BEND7: variants seen among roughly 807,000 people sequenced by gnomAD.
BEND7 encodes the protein BEN domain-containing protein 7.
Under a neutral mutation model 50.9 loss-of-function variants are expected in BEND7, and 28 were observed. The observed-to-expected ratio is 0.55, with a 90% confidence interval of 0.41 to 0.75. BEND7 has a LOEUF of 0.75. Among genes scored for constraint, BEND7 ranks in the 30% least tolerant of loss-of-function variants. BEND7 has a pLI of 0.00. For synonymous variants in BEND7, 170 were observed against 183.9 expected (o/e 0.92, Z 0.61); for missense variants, 477 against 491.3 (o/e 0.97, Z 0.28).
At chr10:13,497,332 T>G (rs2077094410) in intron 3 of BEND7, among the ~76,000 whole-genome samples, 1 of 152,248 alleles carries the variant, frequency 6.6e-6, no homozygotes, top group African/African-American at 2.4e-5. Context: ...TTATATGAGT[T>G]CTATTGAAAA....
chr10:13,521,240 C>T (rs547072737), intron 2 of BEND7, among the ~76,000 whole-genome samples: 2 of 151,810 alleles, frequency 1.3e-5, no homozygotes, highest in Non-Finnish European at 2.9e-5. Context: ...GCCTGCCATG[C>T]GGTTAAGGGC....
At chr10:13,529,579 G>T (rs984064305), upstream of BEND7, among the ~76,000 whole-genome samples, 1 of 152,154 alleles carries the variant, frequency 6.6e-6, no homozygotes, top group East Asian at 1.9e-4. Flanking sequence ...GGAATGGGGG[G>T]CTTGGTGGCC....
rs985204884 is a variant in BEND7, at chr10:13,456,796, T to C, written c.1064-4138A>G. ...AAGCAAACATATTTTCCACTTTTGT[T>C]TCTAATGGAAGGAAATACATTAGCT... On this transcript the variant is annotated intron_variant, in intron 6 of 8. Transcript: ENST00000466271. Among the ~76,000 whole-genome samples the C allele has an allele frequency of 2.6e-5, 4 of 152,356 alleles. No homozygotes were observed. The South Asian group carries it at 8.3e-4, about 32-fold the overall frequency.
intron 8 of BEND7, 23 bp from the exon 9 acceptor site, chr10:13,441,773 T>C: frequency 2.5e-6 from 4 of 1,612,340 alleles, no homozygotes; most frequent in Non-Finnish European, 3.4e-6. Flanking sequence ...AAGGGACTGT[T>C]GTCAGGAACG....
intron 6 of BEND7, among the ~76,000 whole-genome samples, chr10:13,476,717 A>C (rs1429081831): frequency 6.6e-6 from 1 of 152,200 alleles, no homozygotes; most frequent in Non-Finnish European, 1.5e-5. Context: ...GCAGGTAAGG[A>C]AAACATACCT....
chr10:13,461,233 A>G (rs2131277507), intron 6 of BEND7, among the ~76,000 whole-genome samples: 1 of 152,330 alleles, frequency 6.6e-6, no homozygotes, highest in Non-Finnish European at 1.5e-5. Flanking sequence ...GTCCTGAGGC[A>G]GGTGAGGGAA....
downstream of BEND7, chr10:13,439,275 G>A: frequency 6.2e-7 from 1 of 1,614,222 alleles, no homozygotes; most frequent in African/African-American, 1.3e-5. Flanking sequence ...TGAGACCTGA[G>A]TTATGAGGAA....
intron 5 of BEND7, among the ~76,000 whole-genome samples, chr10:13,487,378 CTT>C (rs770356764): frequency 5.4e-5 from 4 of 73,696 alleles, no homozygotes; most frequent in Non-Finnish European, 1.0e-4. Context: ...AATTTCTTTT[CTT>C]TTCTTTTCTT....
chr10:13,467,055 C>T (rs915739289), intron 6 of BEND7, among the ~76,000 whole-genome samples: 1 of 152,140 alleles, frequency 6.6e-6, no homozygotes, highest in Non-Finnish European at 1.5e-5. Flanking sequence ...ACTGTCCCAC[C>T]GTGGACACCG....
intron 2 of BEND7, among the ~76,000 whole-genome samples, chr10:13,519,229 T>C (rs1239572841): frequency 6.6e-6 from 1 of 152,034 alleles, no homozygotes; most frequent in African/African-American, 2.4e-5. Flanking sequence ...TCCCAGCACT[T>C]TGGGAGGCTG....
intron 5 of BEND7, among the ~76,000 whole-genome samples, chr10:13,485,319 A>G (rs1335780386): frequency 6.6e-6 from 1 of 152,254 alleles, no homozygotes; most frequent in Non-Finnish European, 1.5e-5. Flanking sequence ...TGGTTAAAAG[A>G]AGTGCACAAA....
intron 5 of BEND7, among the ~76,000 whole-genome samples, chr10:13,484,019 T>G (rs767867513): frequency 1.3e-5 from 2 of 152,188 alleles, no homozygotes; most frequent in Non-Finnish European, 2.9e-5. Context: ...TGCTTTCCAT[T>G]CCACTTTCTA....
chr10:13,515,039 G>A (rs191328363), intron 2 of BEND7, among the ~76,000 whole-genome samples: 1 of 152,228 alleles, frequency 6.6e-6, no homozygotes, highest in African/African-American at 2.4e-5. Context: ...TAAATTCTTG[G>A]AATCACTGAG....
intron 6 of BEND7, among the ~76,000 whole-genome samples, chr10:13,468,846 A>G (rs575985062): frequency 2.6e-5 from 4 of 152,246 alleles, no homozygotes; most frequent in Admixed American, 1.3e-4. Flanking sequence ...CTCTGCTAAA[A>G]ATAATGTAGT....
At chr10:13,511,598 C>A (rs924083546) in intron 2 of BEND7, among the ~76,000 whole-genome samples, 3 of 152,060 alleles carry the variant, frequency 2.0e-5, no homozygotes, top group African/African-American at 7.2e-5. Flanking sequence ...TTTTGTAATC[C>A]CTGGAATACA....
intron 5 of BEND7, among the ~76,000 whole-genome samples, 175 bp downstream of exon 5, chr10:13,492,436 T>A (rs897212903): frequency 5.3e-5 from 8 of 152,266 alleles, no homozygotes; most frequent in African/African-American, 1.9e-4. Flanking sequence ...AAATAAGGCA[T>A]CACATTTTCA....
chr10:13,442,653 C>T lies in BEND7; in HGVS notation c.1235-903G>A, dbSNP rs546283732. ...ATGGTGCCAAAACCCTGTAGCACTC[C>T]GTTAAGACCATCTGTTAAAATGGCT... On this transcript the variant is annotated intron_variant, in intron 8 of 8. Coordinates refer to ENST00000466271, the MANE Select transcript of BEND7 (RefSeq NM_001369863.1). 9.2e-5 allele frequency: 14 copies of T among 152,284 alleles called. No homozygotes were observed. The East Asian group carries it at 1.5e-3, about 17-fold the overall frequency. 9.4% of individuals were successfully genotyped at this position (152,284 alleles called of 1,614,324 possible).
At chr10:13,448,326 C>T (rs947169190) in intron 7 of BEND7, among the ~76,000 whole-genome samples, 1 of 152,088 alleles carries the variant, frequency 6.6e-6, no homozygotes, top group Non-Finnish European at 1.5e-5. Flanking sequence ...GGGATAGTTT[C>T]GGTGGTGGCC....
At position 13,441,542 on chromosome 10, in the gene BEND7, C is replaced by T; in HGVS notation, c.*201G>A. 7.1e-7 allele frequency: 1 copy of T among 1,415,368 alleles called. No individual in the cohort carries two copies. Among genetic ancestry groups the T allele is most frequent in the African/African-American group, 1.4e-5 (1 of 69,034 alleles). The allele number at this position is 1,415,368 out of a possible 1,614,324, so 87.7% of individuals were successfully genotyped here. On this transcript the variant is annotated 3_prime_UTR_variant, in exon 9 of 9. Coordinates refer to ENST00000466271, the MANE Select transcript of BEND7 (RefSeq NM_001369863.1). ...GGAAGGCAGTGCTTCTGAAGGTTCC[C>T]AGCAGATCTCTTAACAGACCACAGT...
Sources: gnomAD v4.1 joint callset for allele counts (sites outside exome capture counted in the v4.1 genomes callset) on GRCh38, gnomAD v4.1.1 for gene constraint, MANE v1.5 for transcripts, NCBI Gene and HGNC (gene_info 2026-07-23, HGNC 2026-07-21) for gene names.